The following TLE2 variants were observed in gnomAD, a reference collection of about 807,000 sequenced individuals.
TLE2 encodes the protein transducin-like enhancer protein 2.
In TLE2, 74 loss-of-function variants were observed where a neutral mutation model predicts 97.2. The ratio of observed to expected loss-of-function variants is 0.76; its 90% CI spans 0.63 to 0.92. The LOEUF (loss-of-function observed/expected upper bound fraction) is 0.92. Ranked by LOEUF, TLE2 falls within the 40% of genes least tolerant of loss-of-function variation. TLE2 has a pLI of 0.00. For synonymous variants in TLE2, 499 were observed against 432.1 expected, an observed-to-expected ratio of 1.15 and a Z score of -1.92; for missense variants, 1,038 against 1,008.7, an observed-to-expected ratio of 1.03 and a Z score of -0.39.
At position 3,029,175 on chromosome 19, in the gene TLE2, C is replaced by T; in HGVS notation, c.-271G>A. Reference sequence around the variant, plus strand: ...GGGGCGGGAGCGCGGCGAGGGCGGCCGCGGCAGCCGGCGCAGAAGGTCGGG... The same window carrying T: ...GGGGCGGGAGCGCGGCGAGGGCGGCTGCGGCAGCCGGCGCAGAAGGTCGGG... On this transcript the variant is annotated 5_prime_UTR_variant, in exon 1 of 20. Transcript: ENST00000262953. 2.6e-6 allele frequency: 2 copies of T among 770,612 alleles called. No homozygotes were observed. Among genetic ancestry groups the T allele is most frequent in the African/African-American group, 1.9e-5 (1 of 52,014 alleles). 47.7% of individuals were successfully genotyped at this position (770,612 alleles called of 1,614,324 possible).
intron 19 of TLE2, among the ~76,000 whole-genome samples, chr19:2,998,159 C>A (rs754327303): frequency 1.3e-5 from 2 of 151,992 alleles, no homozygotes; most frequent in Non-Finnish European, 2.9e-5. Context: ...CAACCTCCAC[C>A]TCCCGGGTTC....
At position 3,014,421 on chromosome 19, in the gene TLE2, C is replaced by T. The variant is rs1425475702; in HGVS notation, c.723+149G>A. ...GAGAGGAGGTCGGCCAGAGGTGTCC[C>T]GGAGTCCCTGACGCTTCCTGACCCC... On this transcript the variant is annotated intron_variant, in intron 10 of 19. Coordinates refer to ENST00000262953, the MANE Select transcript of TLE2 (RefSeq NM_003260.5). 7 of 618,272 alleles carry T rather than the reference C, an allele frequency of 1.1e-5. No individual in the cohort carries two copies. In the East Asian group the frequency reaches 1.4e-4, roughly 12 times the overall value. The allele number at this position is 618,272 out of a possible 1,614,324, so 38.3% of individuals were successfully genotyped here.
rs746747953 is a variant in TLE2, at chr19:3,002,515, G to A, written c.1897-12C>T. 7 of 1,554,410 alleles carry A rather than the reference G, an allele frequency of 4.5e-6. No homozygotes were observed. Among genetic ancestry groups the A allele is most frequent in the Admixed American group, 3.9e-5 (2 of 51,198 alleles). On this transcript the variant is annotated splice_polypyrimidine_tract_variant and intron_variant, in intron 17 of 19. Coordinates refer to ENST00000262953, the MANE Select transcript of TLE2 (RefSeq NM_003260.5). The stretch of plus-strand genomic sequence containing the variant: ...CCCAGGGAGAAAATCTGGGGGTAAA[G>A]AGGGAAGAGATGGGGTCACGAGCCC...
chr19:3,029,856 G>C (rs1026101717), upstream of TLE2, among the ~76,000 whole-genome samples: 1 of 152,066 alleles, frequency 6.6e-6, no homozygotes, highest in Non-Finnish European at 1.5e-5. Context: ...GAGTACAGTG[G>C]GGCAATCATG....
chr19:3,005,591 G>A lies in TLE2; in HGVS notation c.1749-7C>T, dbSNP rs565878660. 4.3e-6 allele frequency: 7 copies of A among 1,613,002 alleles called. No individual in the cohort carries two copies. The highest frequency in any genetic ancestry group is 3.3e-5 in the South Asian group (3 of 90,984). On this transcript the variant is annotated splice_region_variant and splice_polypyrimidine_tract_variant and intron_variant, in intron 16 of 19. Transcript: ENST00000262953. ...CGTGTGGCCCTGGAACTGCCTGGAGGGAGAAGGGCCCAGGCGTCCATCCTG... is the reference window on the plus strand; with the variant it reads ...CGTGTGGCCCTGGAACTGCCTGGAGAGAGAAGGGCCCAGGCGTCCATCCTG...
Position 3,042,090 on chromosome 19 carries a change from G to GGGGGAGCGC in TLE2, c.63+3627_63+3635dup, listed in dbSNP as rs554264522. Reference sequence around the variant, plus strand: ...GGGAGTGAGGGGATTGCGGGGAGTAGGGGGAGCGCAGGGAGCGTGGGGACC... The same window carrying GGGGGAGCGC: ...GGGAGTGAGGGGATTGCGGGGAGTAGGGGGAGCGCGGGGAGCGCAGGGAGCGTGGGGACC... On this transcript the variant is annotated intron_variant, in intron 1 of 18. Coordinates refer to the TLE2 transcript ENST00000426948. 3.9e-3 allele frequency among the ~76,000 whole-genome samples: 590 copies of GGGGGAGCGC among 151,416 alleles called. 5 individuals are homozygous for GGGGGAGCGC. The highest frequency in any genetic ancestry group is 0.014 in the African/African-American group (568 of 41,248).
chr19:3,014,014 C>T (rs1245851193), intron 10 of TLE2, among the ~76,000 whole-genome samples, 196 bp from the exon 11 acceptor site: 3 of 151,194 alleles, frequency 2.0e-5, no homozygotes, highest in Non-Finnish European at 4.4e-5. Context: ...AGTCTCGCTC[C>T]GTTACCCAGG....
Position 3,017,827 on chromosome 19 carries a change from G to A in TLE2, c.570+13C>T, listed in dbSNP as rs1467052786. On this transcript the variant is annotated intron_variant, in intron 8 of 19. Coordinates refer to ENST00000262953, the MANE Select transcript of TLE2 (RefSeq NM_003260.5). ...AAGAATATAAAAAGAGTCCCAGGGTGCCACTCACTTACCCTGCTCGGGGCT... is the reference window on the plus strand; with the variant it reads ...AAGAATATAAAAAGAGTCCCAGGGTACCACTCACTTACCCTGCTCGGGGCT... 15 of 1,610,620 alleles carry A rather than the reference G, an allele frequency of 9.3e-6. No individual in the cohort carries two copies. Among genetic ancestry groups the A allele is most frequent in the Middle Eastern group, 1.6e-4 (1 of 6,068 alleles).
intron 8 of TLE2, 89 bp downstream of exon 8, chr19:3,017,751 C>G (rs1599225531): frequency 1.5e-6 from 2 of 1,315,884 alleles, no homozygotes; most frequent in African/African-American, 1.5e-5. Context: ...CATGATCGAC[C>G]TAGGTCTCAT....
At chr19:3,026,455 TA>T (rs34783402) in intron 4 of TLE2, among the ~76,000 whole-genome samples, 18,379 of 111,256 alleles carry the variant, frequency 0.17, 1,330 homozygotes, top group African/African-American at 0.25. Context: ...TCTCAAAATT[TA>T]AAAAAAAAAA....
chr19:3,027,756 C>T, intron 4 of TLE2, 73 bp downstream of exon 4: 1 of 1,514,358 alleles, frequency 6.6e-7, no homozygotes, highest in Non-Finnish European at 9.0e-7. Flanking sequence ...CCCGGCTGCC[C>T]ACTCTGGGTC....
chr19:3,009,643 G>A lies in TLE2; in HGVS notation c.1072C>T (p.His358Tyr). 10 of 1,613,154 alleles carry A rather than the reference G, an allele frequency of 6.2e-6. No individual in the cohort carries two copies. The highest frequency in any genetic ancestry group is 8.5e-6 in the Non-Finnish European group (10 of 1,179,640). ...PFTTSFSLGSHSTLNGDLSVP... is the reference protein window; with the variant it reads ...PFTTSFSLGSYSTLNGDLSVP... ...GAGAGGTCTCCGTTGAGAGTGCTGTGGGAGCCCAGGCTGAAGGACGTGGTG... is the reference window on the plus strand; with the variant it reads ...GAGAGGTCTCCGTTGAGAGTGCTGTAGGAGCCCAGGCTGAAGGACGTGGTG... Residue 358 changes from histidine to tyrosine, a missense_variant, in exon 13 of 20, where the codon CAC (histidine) becomes TAC (tyrosine). Transcript: ENST00000262953.
intron 5 of TLE2, among the ~76,000 whole-genome samples, chr19:3,024,578 T>C (rs1024532997): frequency 2.6e-5 from 4 of 151,988 alleles, no homozygotes; most frequent in African/African-American, 9.7e-5. Flanking sequence ...AGCAAGACGG[T>C]AGGGTTAACT....
rs147077091 is a variant in TLE2 at position 3,034,632 on chromosome 19, GC to G, written c.64-5830del. Among the ~76,000 whole-genome samples, 1,205 of 151,432 alleles carry G rather than the reference GC, an allele frequency of 8.0e-3. 16 individuals carry two copies. Among genetic ancestry groups the G allele is most frequent in the African/African-American group, 0.028 (1,153 of 41,170 alleles). The stretch of plus-strand genomic sequence containing the variant: ...AACCCAAAAACTGTCTCCTGCAAAA[GC>G]CTTCTCCCCCAGCCTCCTGTCTTCT... On this transcript the variant is annotated intron_variant, in intron 1 of 18. Coordinates refer to the TLE2 transcript ENST00000426948.
chr19:3,009,618 G>T lies in TLE2; in HGVS notation c.1097C>A (p.Ser366Tyr). The T allele has an allele frequency of 1.9e-6, 3 of 1,613,400 alleles. No individual in the cohort carries two copies. The highest frequency in any genetic ancestry group is 2.5e-6 in the Non-Finnish European group (3 of 1,179,674). The part of the protein sequence containing the change: ...GSHSTLNGDL[S>Y]VPSSYVSLHL... Reference sequence around the variant, plus strand: ...GAGGCTGACGTAGGAGCTGGGCACGGAGAGGTCTCCGTTGAGAGTGCTGTG... The same window carrying T: ...GAGGCTGACGTAGGAGCTGGGCACGTAGAGGTCTCCGTTGAGAGTGCTGTG... Residue 366 changes from serine to tyrosine, a missense_variant, in exon 13 of 20, where the codon TCC (serine) becomes TAC (tyrosine). Coordinates refer to ENST00000262953, the MANE Select transcript of TLE2 (RefSeq NM_003260.5).
chr19:3,009,218 A>AG (rs2089539565), intron 13 of TLE2, among the ~76,000 whole-genome samples: 3 of 152,198 alleles, frequency 2.0e-5, no homozygotes, highest in South Asian at 4.1e-4. Flanking sequence ...GCTCTAGGCC[A>AG]GGGTTCTGAA....
At chr19:3,027,680 A>C in intron 4 of TLE2, 149 bp downstream of exon 4, 3 of 714,558 alleles carry the variant, frequency 4.2e-6, no homozygotes, top group Non-Finnish European at 6.9e-6. Flanking sequence ...CTGGTCCCAG[A>C]TGGGCCCTCT....
chr19:3,036,589 G>A (rs1046238233), intron 1 of TLE2, among the ~76,000 whole-genome samples: 1 of 152,226 alleles, frequency 6.6e-6, no homozygotes, highest in Non-Finnish European at 1.5e-5. Flanking sequence ...CTGAGCCTCA[G>A]CTCCCCGCCA....
chr19:2,999,482 C>T (rs547198639), intron 19 of TLE2, among the ~76,000 whole-genome samples: 1 of 152,138 alleles, frequency 6.6e-6, no homozygotes, highest in East Asian at 1.9e-4. Context: ...AATCCCAGCA[C>T]TTTGGGAGGC....
Sources: gnomAD v4.1 joint callset for allele counts (sites outside exome capture counted in the v4.1 genomes callset) on GRCh38, gnomAD v4.1.1 for gene constraint, MANE v1.5 for transcripts, NCBI Gene and HGNC (gene_info 2026-07-23, HGNC 2026-07-21) for gene names.